Variants in TDP1 observed in about 807,000 individuals in gnomAD.
The protein encoded by TDP1 is tyr-DNA phosphodiesterase 1.
Under a neutral mutation model 81.5 loss-of-function variants are expected in TDP1, and 64 were observed. That is an observed-to-expected ratio of 0.79 (90% confidence interval 0.64 to 0.97). The LOEUF is 0.97. Ranked by LOEUF, TDP1 falls within the 50% of genes least tolerant of loss-of-function variation. TDP1 has a pLI of 0.00. For synonymous variants in TDP1, 256 were observed against 264.3 expected, an observed-to-expected ratio of 0.97 and a Z score of 0.30; for missense variants, 723 against 743.8, an observed-to-expected ratio of 0.97 and a Z score of 0.33.
rs569282790 is a variant in TDP1 at position 89,964,930 on chromosome 14, G to A, written c.560-1217G>A. On this transcript the variant is annotated intron_variant, in intron 3 of 16. Coordinates refer to ENST00000335725, the MANE Select transcript of TDP1 (RefSeq NM_018319.4). ...GCACTTTAGAAAAGTGCCCAAGGTC[G>A]TAGAGCTGGTAATGACATTCTGGCA... 1.5e-5 allele frequency: 6 copies of A among 410,060 alleles called. No homozygotes were observed. The Middle Eastern group carries it at 1.7e-3, about 117-fold the overall frequency. 25.4% of individuals were successfully genotyped at this position (410,060 alleles called of 1,614,324 possible). A position where few individuals can be genotyped will look rare whatever the true frequency, so the allele number is the denominator to read the frequency against.
intron 14 of TDP1, among the ~76,000 whole-genome samples, chr14:89,996,857 A>G (rs888992674): frequency 6.6e-6 from 1 of 152,184 alleles, no homozygotes; most frequent in Middle Eastern, 3.2e-3. Flanking sequence ...AGTCCCCACA[A>G]GAGCTGTGAG....
At position 90,044,175 on chromosome 14, in the gene TDP1, T is replaced by G. The variant is rs1171659240; in HGVS notation, c.*1032T>G. On this transcript the variant is annotated 3_prime_UTR_variant, in exon 17 of 17. Transcript: ENST00000335725. ...CCTGCCTAGGGTAAATGGGTCTCTCTTCTATCCCCAGAAACTTTCAGAGGA... is the reference window on the plus strand; with the variant it reads ...CCTGCCTAGGGTAAATGGGTCTCTCGTCTATCCCCAGAAACTTTCAGAGGA... 6.6e-6 allele frequency: 1 copy of G among 152,248 alleles called. No individual in the cohort carries two copies. The highest frequency in any genetic ancestry group is 2.4e-5 in the African/African-American group (1 of 41,462). The allele number at this position is 152,248 out of a possible 1,614,324, so 9.4% of individuals were successfully genotyped here.
chr14:90,028,863 A>T (rs749723467), intron 15 of TDP1, among the ~76,000 whole-genome samples: 1 of 152,162 alleles, frequency 6.6e-6, no homozygotes, highest in Non-Finnish European at 1.5e-5. Flanking sequence ...GGCTGTAAAG[A>T]ACCATAACCT....
At chr14:89,974,232 G>T (rs76723628) in intron 6 of TDP1, among the ~76,000 whole-genome samples, 5,834 of 152,154 alleles carry the variant, frequency 0.038, 370 homozygotes, top group African/African-American at 0.13. Context: ...CCCAAAAACA[G>T]CACCCAGTAA....
intron 5 of TDP1, among the ~76,000 whole-genome samples, chr14:89,968,890 G>C (rs1893260780): frequency 6.6e-6 from 1 of 152,224 alleles, no homozygotes; most frequent in African/African-American, 2.4e-5. Flanking sequence ...ACCTCAGAAT[G>C]TGATCTTATT....
chr14:89,980,342 T>G (rs955123610), intron 7 of TDP1, 198 bp from the exon 8 acceptor site: 1 of 982,142 alleles, frequency 1.0e-6, no homozygotes, highest in Non-Finnish European at 1.2e-6. Context: ...TACTCAACCT[T>G]TCTGAAAGGT....
At chr14:89,991,145 C>T (rs1019743081) in intron 12 of TDP1, among the ~76,000 whole-genome samples, 5 of 152,074 alleles carry the variant, frequency 3.3e-5, no homozygotes, top group South Asian at 2.1e-4. Flanking sequence ...CCAAGTCCCA[C>T]GGTCTTGGGC....
At chr14:90,030,029 C>G (rs192223297) in intron 15 of TDP1, among the ~76,000 whole-genome samples, 2 of 152,154 alleles carry the variant, frequency 1.3e-5, no homozygotes, top group Non-Finnish European at 2.9e-5. Context: ...ATTTCATAAA[C>G]GAGGAAACCA....
chr14:89,955,263 G>A (rs1891450530), upstream of TDP1: 1 of 152,268 alleles, frequency 6.6e-6, no homozygotes, highest in African/African-American at 2.4e-5. Flanking sequence ...GATCTTCAAT[G>A]AAAGAACGAA....
upstream of TDP1, chr14:89,955,838 G>T (rs2277520): frequency 0.031 from 4,764 of 152,564 alleles, 108 homozygotes; most frequent in South Asian, 0.067. Context: ...GGACCCAGCG[G>T]TGGGCTCTCC....
At position 89,989,195 on chromosome 14, in the gene TDP1, C is replaced by CT. The variant is rs35878148; in HGVS notation, c.1317+118dup. On this transcript the variant is annotated intron_variant, in intron 11 of 16. Transcript: ENST00000335725. ...TGGAGAGATGTTTTATTCTGTGATT[C>CT]TTTTTTTTTTTTTGGCGTGGCGGGG... 0.048 allele frequency: 35,257 copies of CT among 735,906 alleles called. 374 individuals are homozygous for CT. The highest frequency in any genetic ancestry group is 0.17 in the African/African-American group (6,915 of 40,328). The allele number at this position is 735,906 out of a possible 1,614,324, so 45.6% of individuals were successfully genotyped here.
intron 4 of TDP1, 108 bp from the exon 5 acceptor site, chr14:89,967,259 G>A (rs571220565): frequency 4.0e-4 from 536 of 1,325,940 alleles, no homozygotes; most frequent in Admixed American, 6.4e-4. Flanking sequence ...TACATGTAGT[G>A]TATCACTATT....
At chr14:90,029,237 ACCCAGGCTGGAGTGCAGTGGTGCCATCC>A (rs1303290427) in intron 15 of TDP1, among the ~76,000 whole-genome samples, 2 of 133,452 alleles carry the variant, frequency 1.5e-5, no homozygotes, top group African/African-American at 5.9e-5. Flanking sequence ...TCGCTTTGTC[ACCCAGGCTGGAGTGCAGTGGTGCCATCC>A]TGGCTCACTG....
intron 14 of TDP1, among the ~76,000 whole-genome samples, chr14:90,016,370 G>A (rs1220827033): frequency 6.6e-6 from 1 of 152,062 alleles, no homozygotes; most frequent in African/African-American, 2.4e-5. Context: ...TATAACTCAT[G>A]CGTTGTCACT....
At chr14:90,029,418 C>T (rs1887017923) in intron 15 of TDP1, among the ~76,000 whole-genome samples, 1 of 151,490 alleles carries the variant, frequency 6.6e-6, no homozygotes, top group African/African-American at 2.4e-5. Context: ...AGGCTGGTCT[C>T]GAACTCCTGA....
chr14:89,969,833 A>G lies in TDP1; in HGVS notation c.660-1342A>G, dbSNP rs35061500. 2.1e-3 allele frequency among the ~76,000 whole-genome samples: 317 copies of G among 150,798 alleles called. 2 individuals carry two copies. Among genetic ancestry groups the G allele is most frequent in the African/African-American group, 7.3e-3 (300 of 41,052 alleles). On this transcript the variant is annotated intron_variant, in intron 5 of 16. Transcript: ENST00000335725. The stretch of plus-strand genomic sequence containing the variant: ...TTATCTTTCTTGATTGCTTATATCC[A>G]ATTTTTGTTGTGTTGGGAGAGCTTG...
At chr14:90,009,560 T>A (rs1232282043) in intron 14 of TDP1, among the ~76,000 whole-genome samples, 1 of 152,216 alleles carries the variant, frequency 6.6e-6, no homozygotes, top group East Asian at 1.9e-4. Context: ...GGGAAAAGTC[T>A]TATTGAAAGC....
intron 11 of TDP1, 78 bp downstream of exon 11, chr14:89,989,168 A>AC: frequency 7.2e-7 from 1 of 1,388,462 alleles, no homozygotes; most frequent in Non-Finnish European, 1.0e-6. Flanking sequence ...TCCTCTTTGT[A>AC]ATGGAGAGAT....
intron 14 of TDP1, among the ~76,000 whole-genome samples, chr14:90,002,948 A>T (rs1032642601): frequency 1.6e-4 from 24 of 151,112 alleles, no homozygotes; most frequent in African/African-American, 4.4e-4. Context: ...TTATTTATTT[A>T]TTTTTTTTGA....
Sources: allele counts gnomAD v4.1 joint callset (sites outside exome capture counted in the v4.1 genomes callset), GRCh38; gene constraint gnomAD v4.1.1; transcripts MANE v1.5; gene names NCBI Gene and HGNC (gene_info 2026-07-23, HGNC 2026-07-21).